The following FAM168A variants were observed in gnomAD, a reference collection of about 807,000 sequenced individuals.
FAM168A encodes protein FAM168A.
In FAM168A, 3 loss-of-function variants were observed where a neutral mutation model predicts 28.5. The observed-to-expected ratio is 0.11, with a 90% CI of 0.05 to 0.27. FAM168A has a LOEUF of 0.27. Among genes scored for constraint, FAM168A ranks in the 10% least tolerant of loss-of-function variants. The pLI, the probability that FAM168A is intolerant of heterozygous loss-of-function variation, is 1.00. For missense variants in FAM168A, 222 were observed against 311.5 expected, an observed-to-expected ratio of 0.71 and a Z score of 2.16; for synonymous variants, 122 against 124.2, an observed-to-expected ratio of 0.98 and a Z score of 0.12.
In FAM168A at chr11:73,404,830, T is replaced by TC. The variant is rs1261861684; in HGVS notation, c.*1932dup. ...CATGGGAGGTTGGGGTAAGGATATGTCCAAGTTTGCATGAATTTTAAATGA... is the reference window on the plus strand; with the variant it reads ...CATGGGAGGTTGGGGTAAGGATATGTCCCAAGTTTGCATGAATTTTAAATGA... On this transcript the variant is annotated 3_prime_UTR_variant, in exon 8 of 8. Transcript: ENST00000356467. 6.6e-6 allele frequency: 1 copy of TC among 152,260 alleles called. No homozygotes were observed. The highest frequency in any genetic ancestry group is 1.5e-5 in the Non-Finnish European group (1 of 68,044). 9.4% of individuals were successfully genotyped at this position (152,260 alleles called of 1,614,324 possible).
intron 1 of FAM168A, among the ~76,000 whole-genome samples, chr11:73,575,599 G>A (rs1944162424): frequency 6.6e-6 from 1 of 152,168 alleles, no homozygotes; most frequent in Admixed American, 6.5e-5. Context: ...GCCGGGTGTG[G>A]TGGCTCACAC....
At chr11:73,518,004 AAC>A in intron 1 of FAM168A, among the ~76,000 whole-genome samples, 1 of 152,364 alleles carries the variant, frequency 6.6e-6, no homozygotes, top group Non-Finnish European at 1.5e-5. Flanking sequence ...CTCAGTGTCT[AAC>A]ACAGTGTCCA....
intron 1 of FAM168A, among the ~76,000 whole-genome samples, chr11:73,558,924 G>A (rs921177407): frequency 1.3e-5 from 2 of 152,126 alleles, no homozygotes; most frequent in Non-Finnish European, 2.9e-5. Flanking sequence ...ATTACCATAT[G>A]ACCCAGCAAT....
intron 1 of FAM168A, among the ~76,000 whole-genome samples, chr11:73,566,176 T>C (rs148283825): frequency 1.2e-3 from 179 of 152,350 alleles, no homozygotes; most frequent in African/African-American, 4.2e-3. Flanking sequence ...GAAATGGTAA[T>C]AGCCAAGCTG....
chr11:73,595,131 C>G (rs1357320907), intron 1 of FAM168A, among the ~76,000 whole-genome samples: 9 of 152,106 alleles, frequency 5.9e-5, no homozygotes, highest in Admixed American at 5.9e-4. Flanking sequence ...TTAATATAAA[C>G]ATCCCACCTC....
intron 3 of FAM168A, among the ~76,000 whole-genome samples, chr11:73,429,079 G>A (rs12222598): frequency 1.3e-5 from 2 of 152,248 alleles, no homozygotes; most frequent in African/African-American, 2.4e-5. Flanking sequence ...TTAGAGATGG[G>A]GGAAATGAGG....
chr11:73,550,442 C>A (rs1317229464), intron 1 of FAM168A, among the ~76,000 whole-genome samples: 1 of 151,798 alleles, frequency 6.6e-6, no homozygotes, highest in Non-Finnish European at 1.5e-5. Flanking sequence ...ACTGCTGGAG[C>A]CCAGGAGTTC....
chr11:73,559,000 T>C (rs1444145677), intron 1 of FAM168A, among the ~76,000 whole-genome samples: 3 of 152,186 alleles, frequency 2.0e-5, no homozygotes, highest in Admixed American at 6.5e-5. Context: ...CACATGTTCA[T>C]AGCAGCACCT....
intron 2 of FAM168A, among the ~76,000 whole-genome samples, chr11:73,454,098 C>T (rs530598919): frequency 2.6e-5 from 4 of 152,100 alleles, no homozygotes; most frequent in Admixed American, 6.5e-5. Flanking sequence ...TAGGAGAGGG[C>T]GCTGAGTAAG....
chr11:73,574,873 C>T (rs1944153454), intron 1 of FAM168A, among the ~76,000 whole-genome samples: 1 of 151,796 alleles, frequency 6.6e-6, no homozygotes, highest in Non-Finnish European at 1.5e-5. Context: ...CGATGTTGGC[C>T]ATCTTTTAAT....
intron 2 of FAM168A, among the ~76,000 whole-genome samples, chr11:73,454,827 G>A (rs1408357210): frequency 6.6e-6 from 1 of 152,072 alleles, no homozygotes; most frequent in African/African-American, 2.4e-5. Context: ...TACCCAACCC[G>A]TCCCCTTTTC....
At chr11:73,468,593 T>A (rs1867771335) in intron 1 of FAM168A, 101 bp from the exon 2 acceptor site, 2 of 1,008,546 alleles carry the variant, frequency 2.0e-6, no homozygotes, top group Non-Finnish European at 3.0e-6. Flanking sequence ...AAGGAAAGCA[T>A]CAGGGTGTAG....
At chr11:73,451,309 C>T (rs184104204) in intron 2 of FAM168A, among the ~76,000 whole-genome samples, 70 of 152,284 alleles carry the variant, frequency 4.6e-4, no homozygotes, top group African/African-American at 1.5e-3. Flanking sequence ...AGAAGACCCT[C>T]GGGACAAAAA....
At chr11:73,457,560 CCA>C (rs910286145) in intron 2 of FAM168A, among the ~76,000 whole-genome samples, 4 of 150,910 alleles carry the variant, frequency 2.7e-5, no homozygotes, top group Non-Finnish European at 5.9e-5. Context: ...GTACCTAATG[CCA>C]CTCAATTATA....
intron 1 of FAM168A, among the ~76,000 whole-genome samples, chr11:73,542,347 T>C (rs528007365): frequency 6.6e-6 from 1 of 152,334 alleles, no homozygotes; most frequent in Non-Finnish European, 1.5e-5. Flanking sequence ...GTTTCCCAAC[T>C]CTATAAGTGG....
chr11:73,440,183 G>A (rs1867168668), intron 2 of FAM168A, among the ~76,000 whole-genome samples: 1 of 152,060 alleles, frequency 6.6e-6, no homozygotes, highest in Non-Finnish European at 1.5e-5. Flanking sequence ...ACTGCGCCTG[G>A]CCCACTCTTT....
In FAM168A at chr11:73,535,683, T is replaced by G. The variant is rs565574689; in HGVS notation, c.-19+62240A>C. Among the ~76,000 whole-genome samples, 7 of 151,414 alleles carry G rather than the reference T, an allele frequency of 4.6e-5. No individual in the cohort carries two copies. The East Asian group carries it at 1.4e-3, about 29-fold the overall frequency. On this transcript the variant is annotated intron_variant, in intron 1 of 7. Transcript: ENST00000356467. ...ATCTGCCTGCCTTGGCCTCCCAAAGTGTTGGGATTACAGGCGTGAGCCACC... is the reference window on the plus strand; with the variant it reads ...ATCTGCCTGCCTTGGCCTCCCAAAGGGTTGGGATTACAGGCGTGAGCCACC...
intron 2 of FAM168A, among the ~76,000 whole-genome samples, chr11:73,444,987 C>T (rs1017648031): frequency 7.9e-5 from 12 of 152,200 alleles, no homozygotes; most frequent in East Asian, 1.9e-4. Flanking sequence ...TGGCTGGCCG[C>T]GGTGGCTCAC....
At chr11:73,421,125 G>A (rs1030630677) in intron 3 of FAM168A, among the ~76,000 whole-genome samples, 1 of 152,008 alleles carries the variant, frequency 6.6e-6, no homozygotes, top group African/African-American at 2.4e-5. Flanking sequence ...AGAAGGTGGG[G>A]CTGCATTGGC....
Sources: allele counts gnomAD v4.1 joint callset (sites outside exome capture counted in the v4.1 genomes callset), GRCh38; gene constraint gnomAD v4.1.1; transcripts MANE v1.5; gene names NCBI Gene and HGNC (gene_info 2026-07-23, HGNC 2026-07-21).